The following PACRG variants were observed in gnomAD, a reference collection of about 807,000 sequenced individuals.
PACRG encodes parkin coregulated, also known as parkin coregulated gene protein.
In PACRG, 29 loss-of-function variants were observed where a neutral mutation model predicts 29.7. The ratio of observed to expected loss-of-function variants is 0.98; its 90% CI spans 0.73 to 1.33. PACRG has a LOEUF of 1.33. PACRG is among the 40% of genes most tolerant of loss of function. The probability of loss-of-function intolerance (pLI) is 0.00; values close to 1 mark genes in which losing one functional copy is unlikely to be tolerated. For synonymous variants in PACRG, 116 were observed against 118.7 expected, an observed-to-expected ratio of 0.98 and a Z score of 0.15; for missense variants, 279 against 316.2, an observed-to-expected ratio of 0.88 and a Z score of 0.89.
intron 4 of PACRG, chr6:163,101,116 A>G: frequency 1.0e-6 from 1 of 982,700 alleles, no homozygotes; most frequent in Non-Finnish European, 1.2e-6. Flanking sequence ...GTGACTTTTA[A>G]TTTAGATTTT....
intron 2 of PACRG, among the ~76,000 whole-genome samples, chr6:162,888,397 C>G (rs1794518930): frequency 6.6e-6 from 1 of 152,146 alleles, no homozygotes. Context: ...CTGCCCTCCT[C>G]TTGCATCCGT....
At chr6:162,764,105 C>G (rs1316122993) in intron 1 of PACRG, among the ~76,000 whole-genome samples, 1 of 152,112 alleles carries the variant, frequency 6.6e-6, no homozygotes, top group African/African-American at 2.4e-5. Context: ...GAAACCCCGT[C>G]TCTACTAAAA....
At chr6:163,292,202 C>G (rs1030640443) in intron 4 of PACRG, among the ~76,000 whole-genome samples, 1 of 152,110 alleles carries the variant, frequency 6.6e-6, no homozygotes, top group Non-Finnish European at 1.5e-5. Flanking sequence ...AGACCGACCT[C>G]GACAGTCGAG....
chr6:163,097,886 A>G (rs1814745698), intron 4 of PACRG, among the ~76,000 whole-genome samples: 1 of 152,164 alleles, frequency 6.6e-6, no homozygotes, highest in Non-Finnish European at 1.5e-5. Flanking sequence ...TCTCTTCAGG[A>G]CTGGGAGGGT....
chr6:163,163,031 C>T (rs541216979), intron 4 of PACRG, among the ~76,000 whole-genome samples: 41 of 152,304 alleles, frequency 2.7e-4, no homozygotes, highest in African/African-American at 9.1e-4. Context: ...CGTGTCCTAA[C>T]CAAGTTTCGT....
chr6:163,107,794 C>T (rs1815467624), intron 4 of PACRG, among the ~76,000 whole-genome samples: 1 of 152,190 alleles, frequency 6.6e-6, no homozygotes, highest in Non-Finnish European at 1.5e-5. Flanking sequence ...TTGATTACAT[C>T]CTAATGCTGA....
intron 2 of PACRG, among the ~76,000 whole-genome samples, chr6:162,986,761 C>G (rs1472221786): frequency 6.6e-6 from 1 of 152,028 alleles, no homozygotes; most frequent in African/African-American, 2.4e-5. Flanking sequence ...ATTCGAAAGC[C>G]TTGTCTTTTA....
At chr6:162,949,005 T>G (rs1290729189) in intron 2 of PACRG, among the ~76,000 whole-genome samples, 22 of 152,006 alleles carry the variant, frequency 1.4e-4, no homozygotes, top group Admixed American at 1.4e-3. Flanking sequence ...CTACTCGGTG[T>G]TTATCCAAAA....
chr6:162,843,853 T>G (rs1278951961), intron 2 of PACRG, among the ~76,000 whole-genome samples: 2 of 43,096 alleles, frequency 4.6e-5, no homozygotes, highest in African/African-American at 2.0e-4. Context: ...TGGAATACCC[T>G]GCCGTGTGAG....
chr6:162,856,932 G>A (rs752374507), intron 2 of PACRG, among the ~76,000 whole-genome samples: 1 of 152,106 alleles, frequency 6.6e-6, no homozygotes, highest in Non-Finnish European at 1.5e-5. Flanking sequence ...AAGAGGTTTA[G>A]GTGATTAGAC....
chr6:163,232,317 C>T (rs1056758364), intron 4 of PACRG, among the ~76,000 whole-genome samples: 1 of 152,204 alleles, frequency 6.6e-6, no homozygotes, highest in Non-Finnish European at 1.5e-5. Flanking sequence ...AGAGGCTCCT[C>T]CGCTGCTGCA....
At chr6:163,135,824 C>A (rs1042223662) in intron 4 of PACRG, among the ~76,000 whole-genome samples, 1 of 152,196 alleles carries the variant, frequency 6.6e-6, no homozygotes, top group Non-Finnish European at 1.5e-5. Context: ...ACATCTGAAT[C>A]CTTGTTAAAC....
At chr6:163,121,663 CTTT>C (rs771976364) in intron 4 of PACRG, among the ~76,000 whole-genome samples, 8 of 126,212 alleles carry the variant, frequency 6.3e-5, no homozygotes, top group Admixed American at 2.5e-4. Context: ...TCTCGGTAAT[CTTT>C]TTTTTTTTTT....
At position 162,747,371 on chromosome 6, in the gene PACRG, CATATATATGT is replaced by C. The variant is rs1267222793; in HGVS notation, c.156+18999_156+19008del. Among the ~76,000 whole-genome samples, 12 of 41,816 alleles carry C rather than the reference CATATATATGT, an allele frequency of 2.9e-4. 1 individual carries two copies. Among genetic ancestry groups the C allele is most frequent in the Admixed American group, 7.0e-4 (2 of 2,864 alleles). 27.4% of individuals were successfully genotyped at this position (41,816 alleles called of 152,430 possible). The stretch of plus-strand genomic sequence containing the variant: ...ATATATATATATATATATACACATA[CATATATATGT>C]ATATATATGTATATATATATGTATA... On this transcript the variant is annotated intron_variant, in intron 1 of 4. Coordinates refer to ENST00000366888, the MANE Select transcript of PACRG (RefSeq NM_001080379.2).
intron 3 of PACRG, among the ~76,000 whole-genome samples, chr6:163,065,482 G>A (rs1399643532): frequency 1.3e-5 from 2 of 152,174 alleles, no homozygotes; most frequent in African/African-American, 4.8e-5. Context: ...CAAGAGGGCA[G>A]AGAGGGGCCA....
chr6:162,840,070 G>A (rs1275722499), intron 2 of PACRG, among the ~76,000 whole-genome samples: 3 of 112,994 alleles, frequency 2.7e-5, no homozygotes, highest in African/African-American at 3.7e-5. Flanking sequence ...TTGACTTGGC[G>A]ATGCAGGCTC....
intron 3 of PACRG, 103 bp from the exon 4 acceptor site, chr6:163,089,156 A>C: frequency 8.2e-7 from 1 of 1,217,328 alleles, no homozygotes; most frequent in South Asian, 1.4e-5. Flanking sequence ...CCAGTAGAGC[A>C]CAGTTTAATT....
chr6:163,098,276 G>A (rs1814781017), intron 4 of PACRG, among the ~76,000 whole-genome samples: 1 of 152,158 alleles, frequency 6.6e-6, no homozygotes, highest in Non-Finnish European at 1.5e-5. Flanking sequence ...GCCTGTGTGT[G>A]GAACAGGCCA....
intron 1 of PACRG, among the ~76,000 whole-genome samples, chr6:162,779,601 A>G (rs936619440): frequency 2.6e-5 from 4 of 152,218 alleles, no homozygotes; most frequent in Non-Finnish European, 4.4e-5. Context: ...TAAACCATCT[A>G]ACAATGTTAT....
Sources: allele counts gnomAD v4.1 joint callset (sites outside exome capture counted in the v4.1 genomes callset), GRCh38; gene constraint gnomAD v4.1.1; transcripts MANE v1.5; gene names NCBI Gene and HGNC (gene_info 2026-07-23, HGNC 2026-07-21).